Variants in PLPPR1 observed in about 807,000 individuals in gnomAD.
PLPPR1 encodes phospholipid phosphatase-related protein type 1.
PLPPR1 carries 10 observed loss-of-function variants against 33.1 expected under a neutral mutation model. The ratio of observed to expected loss-of-function variants is 0.30; its 90% CI spans 0.19 to 0.51. PLPPR1 has a LOEUF of 0.51. Among genes scored for constraint, PLPPR1 ranks in the 20% least tolerant of loss-of-function variants. PLPPR1 has a pLI of 0.97. For synonymous variants in PLPPR1, 151 were observed against 151.0 expected, an observed-to-expected ratio of 1.00 and a Z score of 0.00; for missense variants, 304 against 408.1, an observed-to-expected ratio of 0.74 and a Z score of 2.20.
chr9:101,236,536 TCACACACA>T lies in PLPPR1; in HGVS notation c.64-33327_64-33320del, dbSNP rs60508436. Among the ~76,000 whole-genome samples the T allele has an allele frequency of 6.6e-4, 98 of 148,696 alleles. 1 individual carries two copies. Among genetic ancestry groups the T allele is most frequent in the African/African-American group, 2.2e-3 (90 of 40,788 alleles). On this transcript the variant is annotated intron_variant, in intron 2 of 7. Transcript: ENST00000374874. The stretch of plus-strand genomic sequence containing the variant: ...TAATTGTTACCCTCTCTCTCTAAAC[TCACACACA>T]CACACACACACACACATTTTCTTCA...
intron 2 of PLPPR1, among the ~76,000 whole-genome samples, chr9:101,232,841 C>T (rs919371898): frequency 4.6e-5 from 7 of 151,938 alleles, no homozygotes; most frequent in Admixed American, 2.0e-4. Context: ...CTCAACATTA[C>T]GAGGGGCTTT....
At chr9:101,057,423 GC>G (rs1393845379) in intron 1 of PLPPR1, among the ~76,000 whole-genome samples, 66 of 152,088 alleles carry the variant, frequency 4.3e-4, no homozygotes, top group African/African-American at 1.4e-3. Flanking sequence ...AAATGAATAA[GC>G]CAGTATCTGC....
chr9:101,155,150 C>T (rs1158775327), intron 1 of PLPPR1, among the ~76,000 whole-genome samples: 1 of 151,610 alleles, frequency 6.6e-6, no homozygotes, highest in African/African-American at 2.4e-5. Context: ...TGTCAGGAAA[C>T]AGTCTATTTG....
In PLPPR1 at chr9:101,322,198, C is replaced by CAA. The variant is rs57344415; in HGVS notation, c.946-1798_946-1797dup. ...GGGGGACAACAGCAAGACTTCATCTCAAAAAAAAAAAAAAAAAAAAAAAAA... is the reference window on the plus strand; with the variant it reads ...GGGGGACAACAGCAAGACTTCATCTCAAAAAAAAAAAAAAAAAAAAAAAAAAA... On this transcript the variant is annotated intron_variant, in intron 7 of 7. Coordinates refer to ENST00000374874, the MANE Select transcript of PLPPR1 (RefSeq NM_207299.2). Among the ~76,000 whole-genome samples, 36 of 27,682 alleles carry CAA rather than the reference C, an allele frequency of 1.3e-3. 4 individuals carry two copies. The highest frequency in any genetic ancestry group is 2.4e-3 in the South Asian group (1 of 410). 18.2% of individuals were successfully genotyped at this position (27,682 alleles called of 152,430 possible).
At chr9:101,149,915 A>G (rs1831561594) in intron 1 of PLPPR1, among the ~76,000 whole-genome samples, 1 of 152,084 alleles carries the variant, frequency 6.6e-6, no homozygotes, top group Non-Finnish European at 1.5e-5. Context: ...AGGAACACCA[A>G]TTATAGGTGT....
chr9:101,296,591 C>T (rs1318382994), intron 4 of PLPPR1, among the ~76,000 whole-genome samples: 1 of 152,142 alleles, frequency 6.6e-6, no homozygotes, highest in Non-Finnish European at 1.5e-5. Context: ...AAATGTGGCA[C>T]ATATACACCA....
intron 2 of PLPPR1, among the ~76,000 whole-genome samples, chr9:101,269,059 G>A (rs1243259810): frequency 2.0e-5 from 3 of 152,080 alleles, no homozygotes; most frequent in African/African-American, 7.2e-5. Context: ...CTTGGCATTG[G>A]TGATTTCCAA....
At chr9:101,150,738 C>T (rs1453487363) in intron 1 of PLPPR1, among the ~76,000 whole-genome samples, 2 of 152,162 alleles carry the variant, frequency 1.3e-5, no homozygotes, top group African/African-American at 4.8e-5. Context: ...TGCGGTGGAT[C>T]ATAGGAAGAG....
chr9:101,139,023 TTTAC>T (rs1831413118), intron 1 of PLPPR1, among the ~76,000 whole-genome samples: 1 of 152,180 alleles, frequency 6.6e-6, no homozygotes, highest in African/African-American at 2.4e-5. Flanking sequence ...ATTATAACTA[TTTAC>T]TTAATGCTTT....
intron 4 of PLPPR1, among the ~76,000 whole-genome samples, chr9:101,299,968 G>A (rs1307024522): frequency 6.6e-6 from 1 of 151,962 alleles, no homozygotes; most frequent in African/African-American, 2.4e-5. Context: ...CCCTGGGGCA[G>A]GGTCACCCTC....
intron 1 of PLPPR1, among the ~76,000 whole-genome samples, chr9:101,099,104 T>G (rs1830860387): frequency 6.7e-6 from 1 of 149,058 alleles, no homozygotes; most frequent in South Asian, 2.1e-4. Context: ...TGTGTGTGTG[T>G]CGGGGGGAGG....
At chr9:101,323,841 AAAAAT>A (rs1464892563) in intron 7 of PLPPR1, among the ~76,000 whole-genome samples, 179 bp from the exon 8 acceptor site, 1 of 152,200 alleles carries the variant, frequency 6.6e-6, no homozygotes, top group Non-Finnish European at 1.5e-5. Flanking sequence ...CTCCGTCTCA[AAAAAT>A]AAAATAAAAA....
rs1470488067 is a variant in PLPPR1 at position 101,089,155 on chromosome 9, A to G, written c.-46+60053A>G. On this transcript the variant is annotated intron_variant, in intron 1 of 7. Transcript: ENST00000374874. The stretch of plus-strand genomic sequence containing the variant: ...GCAGGCATTATGCTAATATGTGTTA[A>G]ATCAGTTTTATCATTCAATCCTCAC... Among the ~76,000 whole-genome samples the G allele has an allele frequency of 2.0e-5, 3 of 152,170 alleles. No individual in the cohort carries two copies. In the East Asian group the frequency reaches 5.8e-4, roughly 29 times the overall value.
chr9:101,200,025 C>G (rs534101285), intron 2 of PLPPR1, among the ~76,000 whole-genome samples: 1 of 152,214 alleles, frequency 6.6e-6, no homozygotes, highest in South Asian at 2.1e-4. Flanking sequence ...TCCCCAGGGG[C>G]CTTGCAAACA....
At chr9:101,101,906 C>A (rs1371210752) in intron 1 of PLPPR1, among the ~76,000 whole-genome samples, 1 of 152,048 alleles carries the variant, frequency 6.6e-6, no homozygotes, top group Non-Finnish European at 1.5e-5. Flanking sequence ...AGTCTAGAAG[C>A]CCTTTAAAGA....
chr9:101,120,632 C>A (rs1322738403), intron 1 of PLPPR1, among the ~76,000 whole-genome samples: 2 of 152,158 alleles, frequency 1.3e-5, no homozygotes, highest in Non-Finnish European at 2.9e-5. Context: ...TCCATTTCTT[C>A]AGCTAAACAA....
At chr9:101,276,466 C>A (rs1047974814) in intron 3 of PLPPR1, among the ~76,000 whole-genome samples, 1 of 151,752 alleles carries the variant, frequency 6.6e-6, no homozygotes, top group Non-Finnish European at 1.5e-5. Context: ...TTCAATATAC[C>A]CCTCCTAATA....
At chr9:101,090,266 G>A (rs543264059) in intron 1 of PLPPR1, among the ~76,000 whole-genome samples, 1 of 152,186 alleles carries the variant, frequency 6.6e-6, no homozygotes, top group Non-Finnish European at 1.5e-5. Context: ...TGAGGTATAG[G>A]GGGTTGTGAC....
chr9:101,320,653 A>G (rs1460219033), intron 7 of PLPPR1, among the ~76,000 whole-genome samples: 1 of 152,202 alleles, frequency 6.6e-6, no homozygotes, highest in African/African-American at 2.4e-5. Context: ...GCAAGTCACC[A>G]AGCATCTGTT....
Sources: gnomAD v4.1 joint callset for allele counts (sites outside exome capture counted in the v4.1 genomes callset) on GRCh38, gnomAD v4.1.1 for gene constraint, MANE v1.5 for transcripts, NCBI Gene and HGNC (gene_info 2026-07-23, HGNC 2026-07-21) for gene names.